The following RABGAP1L variants were observed in gnomAD, a reference collection of about 807,000 sequenced individuals.
The protein encoded by RABGAP1L is RAB GTPase activating protein 1 like, also known as rab GTPase-activating protein 1-like.
In RABGAP1L, 63 loss-of-function variants were observed where a neutral mutation model predicts 137.7. The ratio of observed to expected loss-of-function variants is 0.46; its 90% CI spans 0.37 to 0.56. The LOEUF (loss-of-function observed/expected upper bound fraction) is 0.56, where lower values mean the gene tolerates loss of function less well. RABGAP1L is among the 20% of genes least tolerant of loss of function. RABGAP1L has a pLI of 0.00. For synonymous variants in RABGAP1L, 431 were observed against 433.7 expected (o/e 0.99, Z 0.08); for missense variants, 1,095 against 1,244.0 (o/e 0.88, Z 1.80).
In RABGAP1L at chr1:174,336,853, A is replaced by ATGTGTGTG. The variant is rs148867931; in HGVS notation, c.1465+31751_1465+31758dup. ...TACCAGATAATTTCAGTGTTTATAAATGTGTGTGTGTGTGTGTGTGTGTGT... is the reference window on the plus strand; with the variant it reads ...TACCAGATAATTTCAGTGTTTATAAATGTGTGTGTGTGTGTGTGTGTGTGTGTGTGTGT... On this transcript the variant is annotated intron_variant, in intron 11 of 25. Transcript: ENST00000681986. Among the ~76,000 whole-genome samples, 109 of 146,566 alleles carry ATGTGTGTG rather than the reference A, an allele frequency of 7.4e-4. 1 individual carries two copies. The highest frequency in any genetic ancestry group is 2.7e-3 in the African/African-American group (106 of 39,544).
intron 19 of RABGAP1L, among the ~76,000 whole-genome samples, chr1:174,813,522 T>C (rs1164332712): frequency 6.6e-6 from 1 of 152,172 alleles, no homozygotes; most frequent in Non-Finnish European, 1.5e-5. Context: ...TTAAATCAAA[T>C]TATAAATGTT....
intron 11 of RABGAP1L, among the ~76,000 whole-genome samples, chr1:174,353,869 T>C (rs1683395800): frequency 1.3e-5 from 2 of 152,250 alleles, no homozygotes; most frequent in Admixed American, 1.3e-4. Context: ...ATAGCTACTC[T>C]TTCTTTACCA....
intron 13 of RABGAP1L, among the ~76,000 whole-genome samples, chr1:174,608,959 A>G (rs946059996): frequency 2.6e-5 from 4 of 152,094 alleles, no homozygotes; most frequent in Admixed American, 1.3e-4. Context: ...AATATTCTCT[A>G]TTTTTCATAA....
chr1:174,280,874 G>T (rs1558095435), intron 10 of RABGAP1L, among the ~76,000 whole-genome samples: 1 of 152,294 alleles, frequency 6.6e-6, no homozygotes, highest in South Asian at 2.1e-4. Flanking sequence ...CTTAAAGATG[G>T]TGTGTCCAGA....
chr1:174,958,037 G>A (rs1224318901), intron 20 of RABGAP1L: 10 of 1,534,590 alleles, frequency 6.5e-6, no homozygotes, highest in Non-Finnish European at 8.7e-6. Flanking sequence ...TGTTTTAGCT[G>A]TGCATGTCAT....
chr1:174,160,352 A>G (rs970046586), intron 1 of RABGAP1L, among the ~76,000 whole-genome samples: 25 of 152,220 alleles, frequency 1.6e-4, no homozygotes, highest in African/African-American at 6.0e-4. Flanking sequence ...AGTACTTTGC[A>G]CTGGTCGCCA....
chr1:174,404,338 C>A (rs926156723), intron 13 of RABGAP1L, among the ~76,000 whole-genome samples: 7 of 152,082 alleles, frequency 4.6e-5, no homozygotes, highest in Admixed American at 6.6e-5. Flanking sequence ...TGTAGTTTTT[C>A]AGCTTCCATT....
At chr1:174,194,108 T>C (rs894558287) in intron 1 of RABGAP1L, among the ~76,000 whole-genome samples, 1 of 152,248 alleles carries the variant, frequency 6.6e-6, no homozygotes, top group African/African-American at 2.4e-5. Context: ...ACTGACCTGC[T>C]TGGCTTTGGT....
At chr1:174,677,268 G>A (rs1236832933) in intron 14 of RABGAP1L, among the ~76,000 whole-genome samples, 1 of 152,148 alleles carries the variant, frequency 6.6e-6, no homozygotes, top group Non-Finnish European at 1.5e-5. Context: ...GCTTCAGTGA[G>A]CCGACAGAGG....
At chr1:174,880,199 G>T (rs912413718) in intron 19 of RABGAP1L, among the ~76,000 whole-genome samples, 5 of 152,006 alleles carry the variant, frequency 3.3e-5, no homozygotes, top group Non-Finnish European at 7.4e-5. Context: ...ATTATATGAA[G>T]ATTATTGCCA....
At chr1:174,940,669 T>C (rs541680585) in intron 19 of RABGAP1L, among the ~76,000 whole-genome samples, 1 of 152,350 alleles carries the variant, frequency 6.6e-6, no homozygotes, top group South Asian at 2.1e-4. Flanking sequence ...CTTTTACTAT[T>C]TTAAAACCTC....
At chr1:174,232,109 G>C (rs966325687) in intron 4 of RABGAP1L, among the ~76,000 whole-genome samples, 1 of 152,216 alleles carries the variant, frequency 6.6e-6, no homozygotes, top group African/African-American at 2.4e-5. Flanking sequence ...GTGAGCCATA[G>C]ATTTTAAGTT....
chr1:174,568,617 C>T (rs1572353601), intron 13 of RABGAP1L, among the ~76,000 whole-genome samples: 2 of 152,210 alleles, frequency 1.3e-5, no homozygotes, highest in Admixed American at 1.3e-4. Flanking sequence ...TTATGGCATA[C>T]CTTTAAAATA....
intron 11 of RABGAP1L, among the ~76,000 whole-genome samples, chr1:174,370,777 T>A (rs906700320): frequency 6.6e-6 from 1 of 151,964 alleles, no homozygotes; most frequent in Non-Finnish European, 1.5e-5. Context: ...TATATGAGAT[T>A]TTCATAAAAG....
intron 13 of RABGAP1L, among the ~76,000 whole-genome samples, chr1:174,458,447 G>A (rs1656291311): frequency 6.6e-6 from 1 of 151,886 alleles, no homozygotes; most frequent in Admixed American, 6.5e-5. Flanking sequence ...GTTTGCTAAA[G>A]GATCTCATAC....
intron 13 of RABGAP1L, among the ~76,000 whole-genome samples, chr1:174,443,639 C>T (rs1654403109): frequency 6.6e-6 from 1 of 151,934 alleles, no homozygotes. Context: ...GTTGCCTGTT[C>T]ACCGTGTTGA....
At position 174,828,816 on chromosome 1, in the gene RABGAP1L, A is replaced by G. The variant is rs950658875; in HGVS notation, c.2340+16856A>G. ...ACTCTGGCAATTCCTACACTAGAGC[A>G]CCACTGTTGGCGTTAAGAACGTGGT... On this transcript the variant is annotated intron_variant, in intron 19 of 25. Coordinates refer to ENST00000681986, the MANE Select transcript of RABGAP1L (RefSeq NM_001366446.1). 4.7e-5 allele frequency among the ~76,000 whole-genome samples: 7 copies of G among 148,022 alleles called. 1 individual carries two copies. Among genetic ancestry groups the G allele is most frequent in the African/African-American group, 1.7e-4 (7 of 40,560 alleles).
intron 18 of RABGAP1L, chr1:174,800,531 T>C: frequency 3.2e-6 from 5 of 1,547,768 alleles, no homozygotes; most frequent in Non-Finnish European, 4.4e-6. Context: ...ACTTCATTTG[T>C]AGGGAATCTG....
Position 174,993,388 on chromosome 1 carries a change from T to C in RABGAP1L, c.*3387T>C, listed in dbSNP as rs1013164264. ...ATGGATGTGGGGATATTTAATAGTA[T>C]GTATCTTGTTTCATTTTTTTCCTAT... On this transcript the variant is annotated 3_prime_UTR_variant, in exon 26 of 26. Transcript: ENST00000681986. The C allele has an allele frequency of 6.6e-6, 1 of 151,328 alleles. No individual in the cohort carries two copies. Among genetic ancestry groups the C allele is most frequent in the African/African-American group, 2.5e-5 (1 of 40,576 alleles). The allele number at this position is 151,328 out of a possible 1,614,324, so 9.4% of individuals were successfully genotyped here.
Sources: gnomAD v4.1 joint callset for allele counts (sites outside exome capture counted in the v4.1 genomes callset) on GRCh38, gnomAD v4.1.1 for gene constraint, MANE v1.5 for transcripts, NCBI Gene and HGNC (gene_info 2026-07-23, HGNC 2026-07-21) for gene names.